The following PFKFB2 variants were observed in gnomAD, a reference collection of about 807,000 sequenced individuals.
The protein encoded by PFKFB2 is 6-phosphofructo-2-kinase/fructose-2,6-bisphosphatase 2.
PFKFB2 carries 53 observed loss-of-function variants against 68.0 expected under a neutral mutation model. The ratio of observed to expected loss-of-function variants is 0.78; its 90% CI spans 0.63 to 0.98. PFKFB2 has a LOEUF of 0.98. Ranked by LOEUF, PFKFB2 falls within the 50% of genes least tolerant of loss-of-function variation. The pLI is 0.00. For missense variants in PFKFB2, 451 were observed against 642.0 expected (o/e 0.70, Z 3.22); for synonymous variants, 222 against 227.6 (o/e 0.98, Z 0.22).
intron 2 of PFKFB2, chr1:207,044,583 A>G (rs1216691458): frequency 2.0e-5 from 3 of 152,416 alleles, no homozygotes; most frequent in African/African-American, 7.2e-5. Context: ...TTTTAAAAAC[A>G]TATGTATAAA....
chr1:207,042,157 T>G (rs1211670225), intron 1 of PFKFB2: 3 of 152,114 alleles, frequency 2.0e-5, no homozygotes, highest in African/African-American at 7.2e-5. Flanking sequence ...CTTTTCCCCC[T>G]CATTTCTTCA....
chr1:207,066,802 C>T (rs947851357), intron 8 of PFKFB2, among the ~76,000 whole-genome samples: 2 of 152,024 alleles, frequency 1.3e-5, no homozygotes, highest in African/African-American at 2.4e-5. Flanking sequence ...TACAGGCACC[C>T]GCCACCACGC....
rs1412489696 is a variant in PFKFB2 at position 207,069,522 on chromosome 1, T to C, written c.1086T>C (p.Gly362=). The change falls in exon 11 of 15, where the codon GGT becomes GGC. Residue 362 remains glycine, a synonymous_variant. Coordinates refer to ENST00000367080, the MANE Select transcript of PFKFB2 (RefSeq NM_006212.2). ...DQEKYLYRYP[G]GESYQDLVQR... Reference sequence around the variant, plus strand: ...AGAAGTATCTGTATCGATATCCTGGTGGGGAGGTAAGACGCCCCTGTCATG... The same window carrying C: ...AGAAGTATCTGTATCGATATCCTGGCGGGGAGGTAAGACGCCCCTGTCATG... 1.9e-6 allele frequency: 3 copies of C among 1,607,226 alleles called. No individual in the cohort carries two copies. Among genetic ancestry groups the C allele is most frequent in the Non-Finnish European group, 2.6e-6 (3 of 1,173,758 alleles).
At position 207,055,640 on chromosome 1, in the gene PFKFB2, G is replaced by GTT. The variant is rs202195399; in HGVS notation, c.85+839_85+840dup. Reference sequence around the variant, plus strand: ...TCAGTCAGTTCTTCTCACTTCAGTGGTTATATATATATATATATATATAGC... The same window carrying GTT: ...TCAGTCAGTTCTTCTCACTTCAGTGGTTTTATATATATATATATATATATAGC... On this transcript the variant is annotated intron_variant, in intron 2 of 14. Transcript: ENST00000367080. Among the ~76,000 whole-genome samples, 223 of 112,838 alleles carry GTT rather than the reference G, an allele frequency of 2.0e-3. 1 individual carries two copies. The highest frequency in any genetic ancestry group is 0.012 in the South Asian group (51 of 4,092). 74.0% of individuals were successfully genotyped at this position (112,838 alleles called of 152,430 possible). A position where few individuals can be genotyped will look rare whatever the true frequency, so the allele number is the denominator to read the frequency against.
chr1:207,065,162 T>C lies in PFKFB2; in HGVS notation c.632+2T>C. The C allele has an allele frequency of 6.2e-7, 1 of 1,613,608 alleles. No individual in the cohort carries two copies. The highest frequency in any genetic ancestry group is 2.2e-5 in the East Asian group (1 of 44,868). On this transcript the variant is annotated splice_donor_variant, in intron 8 of 14. Transcript: ENST00000367080. LOFTEE classifies it high-confidence loss of function. Reference sequence around the variant, plus strand: ...TCTTGACCCAGACAACTATGACAAGTAAGGTTTAAGGCCATGGTTTGAAGG... The same window carrying C: ...TCTTGACCCAGACAACTATGACAAGCAAGGTTTAAGGCCATGGTTTGAAGG...
chr1:207,034,548 G>A (rs981829420), intron 1 of PFKFB2: 2 of 152,184 alleles, frequency 1.3e-5, no homozygotes, highest in African/African-American at 4.8e-5. Flanking sequence ...GTAGGCAACA[G>A]TCTTATTTGT....
upstream of PFKFB2, among the ~76,000 whole-genome samples, chr1:207,050,461 G>A (rs963788986): frequency 6.6e-6 from 1 of 152,236 alleles, no homozygotes; most frequent in Non-Finnish European, 1.5e-5. Flanking sequence ...GGGGAAGGGG[G>A]TCTTCAAGGC....
Position 207,071,543 on chromosome 1 carries a change from G to T in PFKFB2, c.1320G>T (p.Glu440Asp). ...TGGAAACAATTAAACTTAACGTGGA[G>T]GCTGTGAACACGCACCGTGACAAGC... ...CKVETIKLNV[E>D]AVNTHRDKPT... is the part of the protein sequence containing the mutation. The change falls in exon 14 of 15, where the codon GAG (glutamate) becomes GAT (aspartate). Residue 440 changes from glutamate (E) to aspartate (D), a missense_variant. Coordinates refer to ENST00000367080, the MANE Select transcript of PFKFB2 (RefSeq NM_006212.2). 6.2e-7 allele frequency: 1 copy of T among 1,613,912 alleles called. No individual in the cohort carries two copies. Among genetic ancestry groups the T allele is most frequent in the Non-Finnish European group, 8.5e-7 (1 of 1,179,840 alleles).
intron 1 of PFKFB2, among the ~76,000 whole-genome samples, chr1:207,038,893 T>A (rs1457423666): frequency 6.6e-6 from 1 of 152,232 alleles, no homozygotes; most frequent in Non-Finnish European, 1.5e-5. Context: ...TGGTATGACA[T>A]TAGCATTCAG....
At chr1:207,052,913 G>A (rs1041671140), upstream of PFKFB2, 12 of 152,336 alleles carry the variant, frequency 7.9e-5, no homozygotes, top group Admixed American at 1.3e-4. Flanking sequence ...AGGAATGAGA[G>A]CGTTAATCTT....
intron 1 of PFKFB2, among the ~76,000 whole-genome samples, chr1:207,038,840 T>C (rs1682426770): frequency 6.6e-6 from 1 of 152,178 alleles, no homozygotes; most frequent in Admixed American, 6.5e-5. Context: ...TAGTGTTGTT[T>C]TTTCTTTCCC....
upstream of PFKFB2, chr1:207,050,560 T>C (rs1279967861): frequency 8.1e-7 from 1 of 1,237,614 alleles, no homozygotes; most frequent in African/African-American, 1.5e-5. Context: ...CTTTGATCTA[T>C]CCTCGCCCCT....
At position 207,071,571 on chromosome 1, in the gene PFKFB2, A is replaced by C. The variant is rs760767079; in HGVS notation, c.1348A>C (p.Thr450Pro). The part of the protein sequence containing the change: ...EAVNTHRDKP[T>P]NNFPKNQTPV... ...TGTGAACACGCACCGTGACAAGCCA[A>C]CTGTAAGTATTTTCCCACGATGAAC... The change falls in exon 14 of 15, where the codon ACT becomes CCT. Residue 450 changes from threonine (T) to proline (P), a missense_variant and splice_region_variant. By Grantham distance (38) the Thr-to-Pro change is conservative. Coordinates refer to ENST00000367080, the MANE Select transcript of PFKFB2 (RefSeq NM_006212.2). 1.6e-5 allele frequency: 26 copies of C among 1,612,282 alleles called. No homozygotes were observed. Among genetic ancestry groups the C allele is most frequent in the Non-Finnish European group, 2.1e-5 (25 of 1,178,456 alleles).
At chr1:207,050,027 G>A (rs1170165859), upstream of PFKFB2, among the ~76,000 whole-genome samples, 1 of 152,156 alleles carries the variant, frequency 6.6e-6, no homozygotes, top group Non-Finnish European at 1.5e-5. Flanking sequence ...TCCTTATACA[G>A]TATTTTACAG....
In PFKFB2 at chr1:207,072,648, G is replaced by C; in HGVS notation, c.*277G>C. On this transcript the variant is annotated 3_prime_UTR_variant, in exon 15 of 15. Coordinates refer to ENST00000367080, the MANE Select transcript of PFKFB2 (RefSeq NM_006212.2). ...CAGATGGGATGATCTGGAGGAGGAGGAAAAAGATACACTCCCTTGGGGCTG... is the reference window on the plus strand; with the variant it reads ...CAGATGGGATGATCTGGAGGAGGAGCAAAAAGATACACTCCCTTGGGGCTG... The C allele has an allele frequency of 8.3e-7, 1 of 1,209,728 alleles. No homozygotes were observed. The highest frequency in any genetic ancestry group is 2.6e-5 in the South Asian group (1 of 38,396). The allele number at this position is 1,209,728 out of a possible 1,614,324, so 74.9% of individuals were successfully genotyped here. A position where few individuals can be genotyped will look rare whatever the true frequency, so the allele number is the denominator to read the frequency against.
At chr1:207,040,735 T>C (rs1682459466) in intron 1 of PFKFB2, among the ~76,000 whole-genome samples, 1 of 152,130 alleles carries the variant, frequency 6.6e-6, no homozygotes, top group South Asian at 2.1e-4. Flanking sequence ...GGCTTAAAGA[T>C]ATAAGATAAG....
At chr1:207,040,903 A>G (rs1174057469) in intron 1 of PFKFB2, among the ~76,000 whole-genome samples, 1 of 151,124 alleles carries the variant, frequency 6.6e-6, no homozygotes, top group Non-Finnish European at 1.5e-5. Flanking sequence ...TTTTGTAGTT[A>G]TAACTAGCAT....
chr1:207,057,844 G>A (rs1682975832), intron 2 of PFKFB2, among the ~76,000 whole-genome samples: 1 of 152,108 alleles, frequency 6.6e-6, no homozygotes, highest in Admixed American at 6.5e-5. Context: ...ACCTCATTCT[G>A]CATTGTATGG....
Position 207,075,595 on chromosome 1 carries a change from T to C in PFKFB2, c.*3224T>C. On this transcript the variant is annotated 3_prime_UTR_variant, in exon 15 of 15. Transcript: ENST00000367080. ...CTCTCTGCTGAGGCTGTAAGTTTTGTTTTGTGAGAAATAGGTAAAGACATT... is the reference window on the plus strand; with the variant it reads ...CTCTCTGCTGAGGCTGTAAGTTTTGCTTTGTGAGAAATAGGTAAAGACATT... 1 of 985,372 alleles carries C rather than the reference T, an allele frequency of 1.0e-6. No homozygotes were observed. Among genetic ancestry groups the C allele is most frequent in the Non-Finnish European group, 1.2e-6 (1 of 829,888 alleles). 61.0% of individuals were successfully genotyped at this position (985,372 alleles called of 1,614,324 possible).
Sources: allele counts gnomAD v4.1 joint callset (sites outside exome capture counted in the v4.1 genomes callset), GRCh38; gene constraint gnomAD v4.1.1; transcripts MANE v1.5; gene names NCBI Gene and HGNC (gene_info 2026-07-23, HGNC 2026-07-21).